Variants in NLRP14 observed in about 807,000 individuals in gnomAD.
NLRP14 encodes NLR family pyrin domain containing 14.
In NLRP14, 105 loss-of-function variants were observed where a neutral mutation model predicts 94.7. The ratio of observed to expected loss-of-function variants is 1.11; its 90% CI spans 0.95 to 1.30. The LOEUF (loss-of-function observed/expected upper bound fraction) is 1.30, where lower values mean the gene tolerates loss of function less well. NLRP14 is among the 50% of genes most tolerant of loss of function. NLRP14 has a pLI of 0.00. For synonymous variants in NLRP14, 508 were observed against 459.9 expected, an observed-to-expected ratio of 1.10 and a Z score of -1.34; for missense variants, 1,362 against 1,254.1, an observed-to-expected ratio of 1.09 and a Z score of -1.30.
downstream of NLRP14, among the ~76,000 whole-genome samples, chr11:7,071,676 A>G (rs960972805): frequency 6.7e-6 from 1 of 149,680 alleles, no homozygotes; most frequent in South Asian, 2.2e-4. Context: ...CAGCCCTGCT[A>G]TCTCTGGCAC....
chr11:7,055,811 G>C (rs16921930), intron 6 of NLRP14, among the ~76,000 whole-genome samples: 1 of 152,082 alleles, frequency 6.6e-6, no homozygotes, highest in Non-Finnish European at 1.5e-5. Flanking sequence ...ATAGCAAGCA[G>C]TAAGGACAAC....
rs1178399992 is a variant in NLRP14 at position 7,060,027 on chromosome 11, G to A, written c.2767G>A (p.Val923Ile). Residue 923 changes from valine (V) to isoleucine (I), a missense_variant, in exon 9 of 12, where the codon GTC (valine) becomes ATC (isoleucine). Val to Ile is a conservative substitution (Grantham distance 29). Coordinates refer to ENST00000299481, the MANE Select transcript of NLRP14 (RefSeq NM_176822.4). ...CAATGGAGTGAAGCTTCTGTGTGATGTCTTTCGGCATCCAAGCTGTAATCT... is the reference window on the plus strand; with the variant it reads ...CAATGGAGTGAAGCTTCTGTGTGATATCTTTCGGCATCCAAGCTGTAATCT... Reference protein sequence around the residue: ...QDNGVKLLCDVFRHPSCNLQD... With the variant: ...QDNGVKLLCDIFRHPSCNLQD... 1.2e-6 allele frequency: 2 copies of A among 1,612,688 alleles called. No individual in the cohort carries two copies. Among genetic ancestry groups the A allele is most frequent in the African/African-American group, 2.7e-5 (2 of 74,828 alleles).
intron 10 of NLRP14, among the ~76,000 whole-genome samples, chr11:7,068,451 C>G (rs1049241003): frequency 6.6e-6 from 1 of 152,050 alleles, no homozygotes; most frequent in Admixed American, 6.6e-5. Context: ...TTGTAAACTT[C>G]CCTAGAACTT....
At chr11:7,045,957 T>C (rs1852342118) in intron 4 of NLRP14, among the ~76,000 whole-genome samples, 4 of 152,056 alleles carry the variant, frequency 2.6e-5, no homozygotes, top group Admixed American at 2.6e-4. Flanking sequence ...GTTCAGTGAG[T>C]GGCAGTGTTG....
intron 10 of NLRP14, among the ~76,000 whole-genome samples, chr11:7,065,934 C>T (rs770238076): frequency 6.6e-6 from 1 of 152,108 alleles, no homozygotes; most frequent in Non-Finnish European, 1.5e-5. Flanking sequence ...GTTCAACTCC[C>T]ACTTACAAGT....
the NLRP14 span, chr11:7,090,521 T>C: frequency 1.6e-6 from 1 of 623,650 alleles, no homozygotes; most frequent in Non-Finnish European, 2.8e-6. Context: ...AACAAGCTCC[T>C]GTTAAAAGTA....
At chr11:7,047,427 C>G (rs569483662) in intron 5 of NLRP14, among the ~76,000 whole-genome samples, 1 of 152,060 alleles carries the variant, frequency 6.6e-6, no homozygotes, top group African/African-American at 2.4e-5. Flanking sequence ...CCTCAGCCTC[C>G]CAAGTAGCTG....
chr11:7,051,099 T>C (rs1321767062), intron 6 of NLRP14, among the ~76,000 whole-genome samples: 1 of 152,216 alleles, frequency 6.6e-6, no homozygotes, highest in Non-Finnish European at 1.5e-5. Flanking sequence ...TAAGCCTTGA[T>C]ACAGACCAAG....
At chr11:7,070,607 T>C (rs1182097274) in intron 11 of NLRP14, 151 bp downstream of exon 11, 1 of 619,516 alleles carries the variant, frequency 1.6e-6, no homozygotes, top group East Asian at 2.8e-5. Context: ...GAACACTGAA[T>C]ATTGAGAGAT....
chr11:7,051,796 T>G (rs1244004946), intron 6 of NLRP14, among the ~76,000 whole-genome samples: 2 of 152,058 alleles, frequency 1.3e-5, no homozygotes, highest in African/African-American at 4.8e-5. Flanking sequence ...CTTATTTTTG[T>G]GTTTTTAGTA....
intron 6 of NLRP14, among the ~76,000 whole-genome samples, chr11:7,053,450 C>CAT (rs914300755): frequency 7.6e-6 from 1 of 132,286 alleles, no homozygotes; most frequent in African/African-American, 2.8e-5. Context: ...TCATTTAAAT[C>CAT]ATATATATAT....
chr11:7,024,041 A>T (rs1216861867), intron 1 of NLRP14, among the ~76,000 whole-genome samples: 1 of 152,162 alleles, frequency 6.6e-6, no homozygotes, highest in Non-Finnish European at 1.5e-5. Flanking sequence ...CATATGAAAC[A>T]CAATGAAACA....
In NLRP14 at chr11:7,042,848, A is replaced by G. The variant is rs752503997; in HGVS notation, c.822A>G (p.Ala274=). The part of the protein sequence containing the change: ...LNFAFEEPEF[A]LCEDWTQEHP... ...TTGCCTTTGAAGAACCTGAGTTTGC[A>G]CTGTGCGAAGACTGGACCCAAGAAC... Residue 274 remains alanine, a synonymous_variant, in exon 4 of 12, where the codon GCA becomes GCG. Coordinates refer to ENST00000299481, the MANE Select transcript of NLRP14 (RefSeq NM_176822.4). 2 of 1,614,202 alleles carry G rather than the reference A, an allele frequency of 1.2e-6. No individual in the cohort carries two copies. Among genetic ancestry groups the G allele is most frequent in the South Asian group, 1.1e-5 (1 of 91,082 alleles).
intron 1 of NLRP14, among the ~76,000 whole-genome samples, chr11:7,024,917 T>C (rs1306869581): frequency 6.6e-6 from 1 of 151,836 alleles, no homozygotes; most frequent in South Asian, 2.1e-4. Flanking sequence ...ATGGAAATCA[T>C]GAAAAAAAGA....
chr11:7,088,975 C>T, the NLRP14 span: 2 of 932,154 alleles, frequency 2.1e-6, no homozygotes, highest in South Asian at 3.2e-5. Flanking sequence ...CGCCCTGCAG[C>T]GGGGCTCCGG....
chr11:7,045,042 C>G (rs1361150586), intron 4 of NLRP14, among the ~76,000 whole-genome samples: 1 of 152,200 alleles, frequency 6.6e-6, no homozygotes, highest in Non-Finnish European at 1.5e-5. Flanking sequence ...ACTGAGGTCA[C>G]ACATCTGATT....
In NLRP14 at chr11:7,043,320, G is replaced by A. The variant is rs140537839; in HGVS notation, c.1294G>A (p.Ala432Thr). 6.2e-7 allele frequency: 1 copy of A among 1,614,176 alleles called. No individual in the cohort carries two copies. The highest frequency in any genetic ancestry group is 8.5e-7 in the Non-Finnish European group (1 of 1,180,024). ...AQLRRLCQVAAKGIWTMTYVF... is the reference protein window; with the variant it reads ...AQLRRLCQVATKGIWTMTYVF... ...GCTGAGAAGACTGTGCCAAGTCGCT[G>A]CCAAAGGAATATGGACTATGACTTA... The change falls in exon 4 of 12, where the codon GCC (alanine) becomes ACC (threonine). Residue 432 changes from alanine (A) to threonine (T), a missense_variant. Transcript: ENST00000299481.
At chr11:7,031,923 C>A (rs1852103881) in intron 1 of NLRP14, among the ~76,000 whole-genome samples, 1 of 152,196 alleles carries the variant, frequency 6.6e-6, no homozygotes. Context: ...CGTTGGTCAT[C>A]CTCTCTAGCC....
At chr11:7,057,907 T>C in intron 7 of NLRP14, 60 bp downstream of exon 7, 1 of 1,398,752 alleles carries the variant, frequency 7.1e-7, no homozygotes, top group Non-Finnish European at 1.0e-6. Context: ...GTAGCTTAAT[T>C]GTGATCTGAT....
Sources: gnomAD v4.1 joint callset for allele counts (sites outside exome capture counted in the v4.1 genomes callset) on GRCh38, gnomAD v4.1.1 for gene constraint, MANE v1.5 for transcripts, NCBI Gene and HGNC (gene_info 2026-07-23, HGNC 2026-07-21) for gene names.